XNDC1N: variants seen among roughly 807,000 people sequenced by gnomAD.
XNDC1N encodes the protein protein XNDC1N.
chr11:71,888,633 C>G, the XNDC1N span, among the ~76,000 whole-genome samples: 1 of 152,224 alleles, frequency 6.6e-6, no homozygotes, highest in African/African-American at 2.4e-5. Flanking sequence ...GACGGGGTTT[C>G]TAAAGGATGG....
At chr11:71,871,316 T>G in the XNDC1N span, among the ~76,000 whole-genome samples, 1 of 152,266 alleles carries the variant, frequency 6.6e-6, no homozygotes, top group Admixed American at 6.5e-5. Context: ...ATTTGTGGAA[T>G]CTAAAACAAT....
the XNDC1N span, chr11:71,918,875 G>A: frequency 1.7e-5 from 12 of 702,092 alleles, no homozygotes; most frequent in Non-Finnish European, 2.9e-5. Context: ...CTAGGCCACA[G>A]AGAACTCACC....
chr11:71,910,712 C>A, the XNDC1N span, among the ~76,000 whole-genome samples: 3 of 152,146 alleles, frequency 2.0e-5, no homozygotes, highest in Non-Finnish European at 4.4e-5. Context: ...CGGAACACAG[C>A]CCGGGGTCAG....
At chr11:71,909,083 C>T in the XNDC1N span, among the ~76,000 whole-genome samples, 202 of 151,964 alleles carry the variant, frequency 1.3e-3, 6 homozygotes, top group East Asian at 0.036. Context: ...CCTGTGATCC[C>T]GATAGCCCTG....
the XNDC1N span, chr11:71,878,445 A>G: frequency 1.2e-6 from 2 of 1,611,658 alleles, no homozygotes; most frequent in Non-Finnish European, 1.7e-6. Context: ...TGCTTTACCT[A>G]TTCAACCATG....
At chr11:71,897,456 T>C in the XNDC1N span, among the ~76,000 whole-genome samples, 16 of 152,294 alleles carry the variant, frequency 1.1e-4, no homozygotes, top group African/African-American at 3.4e-4. Flanking sequence ...GATATCACAA[T>C]GGCCAATAAG....
chr11:71,890,185 C>T, the XNDC1N span, among the ~76,000 whole-genome samples: 1 of 152,178 alleles, frequency 6.6e-6, no homozygotes, highest in Non-Finnish European at 1.5e-5. Context: ...TATCCTCTCC[C>T]CTCCTCCCCC....
chr11:71,898,521 C>A, the XNDC1N span, among the ~76,000 whole-genome samples: 2 of 152,160 alleles, frequency 1.3e-5, no homozygotes, highest in Non-Finnish European at 2.9e-5. Context: ...ACACAAGAAT[C>A]GCTTGAACCC....
chr11:71,907,543 CT>C, the XNDC1N span, among the ~76,000 whole-genome samples: 1 of 152,046 alleles, frequency 6.6e-6, no homozygotes. Context: ...TCACCTCCCC[CT>C]CTGGAGATTT....
At chr11:71,924,609 T>C in the XNDC1N span, among the ~76,000 whole-genome samples, 1 of 151,366 alleles carries the variant, frequency 6.6e-6, no homozygotes, top group Non-Finnish European at 1.5e-5. Flanking sequence ...ACCCGGGAGG[T>C]GGAGCTTGCA....
At chr11:71,908,439 G>T in the XNDC1N span, among the ~76,000 whole-genome samples, 47 of 151,496 alleles carry the variant, frequency 3.1e-4, no homozygotes, top group Admixed American at 2.7e-3. Flanking sequence ...AATTATTAGC[G>T]CCAATTAATA....
the XNDC1N span, chr11:71,923,329 C>A: frequency 2.1e-5 from 15 of 702,878 alleles, no homozygotes; most frequent in South Asian, 2.2e-4. Flanking sequence ...AATGATACCA[C>A]ATGGCTGATC....
At chr11:71,922,888 T>C in the XNDC1N span, among the ~76,000 whole-genome samples, 1 of 152,252 alleles carries the variant, frequency 6.6e-6, no homozygotes, top group African/African-American at 2.4e-5. Flanking sequence ...CTAGCTCTAA[T>C]TGGGATATTG....
the XNDC1N span, among the ~76,000 whole-genome samples, chr11:71,872,054 A>T: frequency 1.3e-5 from 2 of 152,214 alleles, no homozygotes; most frequent in Non-Finnish European, 2.9e-5. Context: ...AAAATGTACT[A>T]TATCTATACG....
the XNDC1N span, chr11:71,893,908 G>T: frequency 9.9e-7 from 1 of 1,005,980 alleles, no homozygotes; most frequent in Non-Finnish European, 1.4e-6. Flanking sequence ...CTTCGTTTTG[G>T]TGTCCTTTTT....
chr11:71,918,172 T>C, the XNDC1N span, among the ~76,000 whole-genome samples: 1 of 152,244 alleles, frequency 6.6e-6, no homozygotes, highest in Non-Finnish European at 1.5e-5. Context: ...GTCAATCTTC[T>C]CAATCCATAA....
chr11:71,924,020 A>G, the XNDC1N span, among the ~76,000 whole-genome samples: 3 of 152,300 alleles, frequency 2.0e-5, no homozygotes, highest in South Asian at 4.1e-4. Flanking sequence ...TATATAGGTG[A>G]GTTCTCAAGG....
chr11:71,873,001 T>C, the XNDC1N span, among the ~76,000 whole-genome samples: 1 of 152,178 alleles, frequency 6.6e-6, no homozygotes, highest in Non-Finnish European at 1.5e-5. Flanking sequence ...TTTTCTCTTT[T>C]TCTCATGATG....
At chr11:71,905,751 C>A in the XNDC1N span, among the ~76,000 whole-genome samples, 777 of 149,812 alleles carry the variant, frequency 5.2e-3, 12 homozygotes, top group East Asian at 0.078. Flanking sequence ...TAATGTTTAC[C>A]ATGGATATTA....
Sources: gnomAD v4.1 joint callset for allele counts (sites outside exome capture counted in the v4.1 genomes callset) on GRCh38, gnomAD v4.1.1 for gene constraint, MANE v1.5 for transcripts, NCBI Gene and HGNC (gene_info 2026-07-23, HGNC 2026-07-21) for gene names.